Variants in CDH9 observed in about 807,000 individuals in gnomAD.
CDH9 encodes cadherin-9.
CDH9 carries 28 observed loss-of-function variants against 70.9 expected under a neutral mutation model. The ratio of observed to expected loss-of-function variants is 0.40; its 90% CI spans 0.29 to 0.54. The LOEUF is 0.54. Among genes scored for constraint, CDH9 ranks in the 20% least tolerant of loss-of-function variants. CDH9 has a pLI of 0.59. For synonymous variants in CDH9, 409 were observed against 343.1 expected (o/e 1.19, Z -2.12); for missense variants, 874 against 984.4 (o/e 0.89, Z 1.50).
chr5:26,938,183 A>T (rs1428119701), intron 2 of CDH9, among the ~76,000 whole-genome samples: 1 of 151,302 alleles, frequency 6.6e-6, no homozygotes, highest in Non-Finnish European at 1.5e-5. Context: ...ACAAACAAAA[A>T]TGCATAGTTA....
rs575779599 is a variant in CDH9, at chr5:27,019,224, T to C, written c.-50+19239A>G. 2.0e-5 allele frequency among the ~76,000 whole-genome samples: 3 copies of C among 152,132 alleles called. No individual in the cohort carries two copies. The South Asian group carries it at 6.2e-4, about 32-fold the overall frequency. On this transcript the variant is annotated intron_variant, in intron 1 of 11. Coordinates refer to ENST00000231021, the MANE Select transcript of CDH9 (RefSeq NM_016279.4). ...GAAAGCTATGGAAGAATGGAAAACC[T>C]AGATGTACATCTCCTATTACAGATG...
intron 1 of CDH9, among the ~76,000 whole-genome samples, chr5:27,027,936 T>C (rs1743248012): frequency 1.3e-5 from 2 of 152,096 alleles, no homozygotes; most frequent in African/African-American, 4.8e-5. Context: ...TGAAACTCTC[T>C]ATGGATAACA....
At chr5:27,006,116 TG>T (rs1419885181) in intron 1 of CDH9, among the ~76,000 whole-genome samples, 1 of 152,058 alleles carries the variant, frequency 6.6e-6, no homozygotes, top group Non-Finnish European at 1.5e-5. Flanking sequence ...AGCAAACCTC[TG>T]TGATACAAAT....
chr5:26,928,694 C>T (rs966762973), intron 2 of CDH9, among the ~76,000 whole-genome samples: 3 of 151,770 alleles, frequency 2.0e-5, no homozygotes, highest in Non-Finnish European at 4.4e-5. Context: ...TCCATACATC[C>T]GCAGAGAACT....
At chr5:26,944,974 A>G (rs374477052) in intron 2 of CDH9, among the ~76,000 whole-genome samples, 3 of 142,934 alleles carry the variant, frequency 2.1e-5, no homozygotes, top group East Asian at 4.2e-4. Flanking sequence ...GAGTGAAACT[A>G]TCATCCAGGA....
chr5:26,934,290 A>G (rs79802785), intron 2 of CDH9, among the ~76,000 whole-genome samples: 14,687 of 151,978 alleles, frequency 0.097, 890 homozygotes, highest in East Asian at 0.19. Flanking sequence ...ACATCATGAG[A>G]CTCCATCTCT....
chr5:27,025,453 T>C (rs1743205167), intron 1 of CDH9, among the ~76,000 whole-genome samples: 2 of 152,004 alleles, frequency 1.3e-5, no homozygotes, highest in African/African-American at 4.8e-5. Flanking sequence ...GCTACTTTAG[T>C]ACAATTAACT....
intron 2 of CDH9, among the ~76,000 whole-genome samples, chr5:26,937,592 T>C (rs1741582411): frequency 6.6e-6 from 1 of 152,128 alleles, no homozygotes; most frequent in Admixed American, 6.6e-5. Context: ...CTCTCAATAG[T>C]TGAAGTAATA....
At chr5:26,973,443 A>T (rs1043777019) in intron 2 of CDH9, among the ~76,000 whole-genome samples, 70 of 147,898 alleles carry the variant, frequency 4.7e-4, no homozygotes, top group African/African-American at 1.5e-3. Context: ...TTTATTTTGT[A>T]TTTTTTTTTT....
At chr5:26,981,687 T>G (rs531794467) in intron 2 of CDH9, among the ~76,000 whole-genome samples, 1 of 152,128 alleles carries the variant, frequency 6.6e-6, no homozygotes, top group East Asian at 1.9e-4. Context: ...TATGACATAA[T>G]ATGACATGGC....
At chr5:26,998,334 G>C (rs975835800) in intron 1 of CDH9, among the ~76,000 whole-genome samples, 4 of 152,124 alleles carry the variant, frequency 2.6e-5, no homozygotes, top group African/African-American at 9.7e-5. Context: ...CAACCCAAAT[G>C]TCCATCAATG....
intron 1 of CDH9, among the ~76,000 whole-genome samples, chr5:27,027,647 C>T (rs910761584): frequency 6.6e-6 from 1 of 152,016 alleles, no homozygotes; most frequent in Non-Finnish European, 1.5e-5. Flanking sequence ...CAGGACTCTA[C>T]CTGTCCTTAC....
At chr5:27,021,411 A>G (rs1423200658) in intron 1 of CDH9, among the ~76,000 whole-genome samples, 1 of 151,886 alleles carries the variant, frequency 6.6e-6, no homozygotes, top group African/African-American at 2.4e-5. Flanking sequence ...TGGAAGAAAT[A>G]TTAATTAAAA....
chr5:26,928,491 A>T (rs1411702067), intron 2 of CDH9, among the ~76,000 whole-genome samples: 1 of 152,060 alleles, frequency 6.6e-6, no homozygotes, highest in East Asian at 1.9e-4. Context: ...ATAGAAAAAG[A>T]ATCTTAAAAT....
At chr5:26,989,942 A>C (rs73076024) in intron 1 of CDH9, among the ~76,000 whole-genome samples, 3,377 of 152,204 alleles carry the variant, frequency 0.022, 114 homozygotes, top group African/African-American at 0.078. Flanking sequence ...TGTACATTGC[A>C]GTGACTTATT....
At chr5:26,902,880 A>G (rs1442838691) in intron 6 of CDH9, 151 bp from the exon 7 acceptor site, 3 of 575,586 alleles carry the variant, frequency 5.2e-6, no homozygotes, top group Non-Finnish European at 9.2e-6. Context: ...AAATAAATTT[A>G]TAAATATATG....
intron 1 of CDH9, among the ~76,000 whole-genome samples, chr5:27,027,380 C>T (rs989071891): frequency 6.6e-6 from 1 of 151,936 alleles, no homozygotes; most frequent in Non-Finnish European, 1.5e-5. Flanking sequence ...AGGCCACTGT[C>T]CTACTTTTGT....
chr5:26,939,970 GAAAC>G (rs1741631829), intron 2 of CDH9, among the ~76,000 whole-genome samples: 1 of 151,974 alleles, frequency 6.6e-6, no homozygotes, highest in Non-Finnish European at 1.5e-5. Flanking sequence ...GCCAAATGGA[GAAAC>G]CCTATCTCTA....
chr5:26,980,055 G>T (rs903856462), intron 2 of CDH9, among the ~76,000 whole-genome samples: 8 of 151,758 alleles, frequency 5.3e-5, no homozygotes, highest in Non-Finnish European at 1.0e-4. Flanking sequence ...TACCCAGCAA[G>T]TATGTAATAA....
Sources: gnomAD v4.1 joint callset for allele counts (sites outside exome capture counted in the v4.1 genomes callset) on GRCh38, gnomAD v4.1.1 for gene constraint, MANE v1.5 for transcripts, NCBI Gene and HGNC (gene_info 2026-07-23, HGNC 2026-07-21) for gene names.